Variants in OR13A1 observed in about 807,000 individuals in gnomAD.
OR13A1 encodes the protein olfactory receptor 13A1.
In OR13A1, 10 loss-of-function variants were observed where a neutral mutation model predicts 7.5. That is an observed-to-expected ratio of 1.34 (90% CI 0.83 to 2.27). OR13A1 has a LOEUF of 2.27. Ranked by LOEUF, OR13A1 falls within the 30% of genes most tolerant of loss-of-function variation. OR13A1 has a pLI of 0.00. For synonymous variants in OR13A1, 238 were observed against 177.9 expected, an observed-to-expected ratio of 1.34 and a Z score of -2.69; for missense variants, 509 against 419.1, an observed-to-expected ratio of 1.21 and a Z score of -1.87.
intron 3 of OR13A1, among the ~76,000 whole-genome samples, chr10:45,306,933 A>G (rs1838342670): frequency 6.6e-6 from 1 of 152,250 alleles, no homozygotes; most frequent in Non-Finnish European, 1.5e-5. Flanking sequence ...GTGGATCTGA[A>G]GAAATAACTG....
rs1838508381 is a variant in OR13A1, at chr10:45,315,595, C to G, written c.-296G>C. 2 of 151,964 alleles carry G rather than the reference C, an allele frequency of 1.3e-5. No individual in the cohort carries two copies. The highest frequency in any genetic ancestry group is 4.8e-5 in the African/African-American group (2 of 41,342). The allele number at this position is 151,964 out of a possible 1,614,324, so 9.4% of individuals were successfully genotyped here. ...ACAAGTATACTCTGTCTCTTCGCTT[C>G]TATTCAATATAGTATTTGAATTTCC... is the stretch of plus-strand genomic sequence containing the variant. On this transcript the variant is annotated 5_prime_UTR_variant, in exon 1 of 4. Coordinates refer to ENST00000553795, the MANE Select transcript of OR13A1 (RefSeq NM_001004297.3).
At position 45,302,681 on chromosome 10, in the gene OR13A1, C is replaced by T. The variant is rs1343407947; in HGVS notation, c.*755G>A. ...AATAGCATGGAGCACAAGCACAAGA[C>T]CTGTCTTTATTAGACACAGAGGATT... On this transcript the variant is annotated 3_prime_UTR_variant, in exon 4 of 4. Coordinates refer to ENST00000553795, the MANE Select transcript of OR13A1 (RefSeq NM_001004297.3). The T allele has an allele frequency of 6.6e-6, 1 of 152,164 alleles. No homozygotes were observed. The highest frequency in any genetic ancestry group is 2.4e-5 in the African/African-American group (1 of 41,454). 9.4% of individuals were successfully genotyped at this position (152,164 alleles called of 1,614,324 possible). A position where few individuals can be genotyped will look rare whatever the true frequency, so the allele number is the denominator to read the frequency against.
chr10:45,313,608 G>A lies in OR13A1; in HGVS notation c.-225+1916C>T, dbSNP rs74832527. On this transcript the variant is annotated intron_variant, in intron 1 of 3. Coordinates refer to ENST00000553795, the MANE Select transcript of OR13A1 (RefSeq NM_001004297.3). ...CCATGCAAATGGTAAATAAAAGCAA[G>A]CAGAAGTGACTATACTACTATCCAA... Among the ~76,000 whole-genome samples the A allele has an allele frequency of 1.5e-3, 223 of 151,852 alleles. 5 individuals are homozygous for A. The East Asian group carries it at 0.04, about 27-fold the overall frequency.
At position 45,307,518 on chromosome 10, in the gene OR13A1, C is replaced by T. The variant is rs923721880; in HGVS notation, c.-105G>A. ...AAGAATCGGGGCTCCAATCCTCTTT[C>T]CATGAGAATGACCACAAGATTTCTT... On this transcript the variant is annotated 5_prime_UTR_variant, in exon 3 of 4. Transcript: ENST00000553795. The T allele has an allele frequency of 2.6e-5, 4 of 152,188 alleles. No individual in the cohort carries two copies. The highest frequency in any genetic ancestry group is 5.9e-5 in the Non-Finnish European group (4 of 68,034). The allele number at this position is 152,188 out of a possible 1,614,324, so 9.4% of individuals were successfully genotyped here.
chr10:45,314,704 T>C (rs1588947006), intron 1 of OR13A1, among the ~76,000 whole-genome samples: 1 of 151,886 alleles, frequency 6.6e-6, no homozygotes, highest in Non-Finnish European at 1.5e-5. Context: ...ATTCAACTAA[T>C]AAATCAGAAA....
At position 45,305,717 on chromosome 10, in the gene OR13A1, G is replaced by C. The variant is rs575182606; in HGVS notation, c.-12-1283C>G. 5.3e-5 allele frequency among the ~76,000 whole-genome samples: 8 copies of C among 152,304 alleles called. No homozygotes were observed. The South Asian group carries it at 1.7e-3, about 32-fold the overall frequency. ...TGGCTGATGCACCAAGCCATTCCAGGATTTCTTGGTTTTGTTCTTCCCACT... is the reference window on the plus strand; with the variant it reads ...TGGCTGATGCACCAAGCCATTCCAGCATTTCTTGGTTTTGTTCTTCCCACT... On this transcript the variant is annotated intron_variant, in intron 3 of 3. Coordinates refer to ENST00000553795, the MANE Select transcript of OR13A1 (RefSeq NM_001004297.3).
Position 45,303,392 on chromosome 10 carries a change from C to T in OR13A1, c.*44G>A. On this transcript the variant is annotated 3_prime_UTR_variant, in exon 4 of 4. Transcript: ENST00000553795. ...CCAGAAACTTGCTCATCAGACTCCA[C>T]TAAAACTGCAGTCTCCAAGGACAAA... The T allele has an allele frequency of 6.5e-7, 1 of 1,538,054 alleles. No individual in the cohort carries two copies. Among genetic ancestry groups the T allele is most frequent in the Non-Finnish European group, 8.8e-7 (1 of 1,142,398 alleles).
At chr10:45,314,069 G>A (rs988996965) in intron 1 of OR13A1, among the ~76,000 whole-genome samples, 1 of 152,034 alleles carries the variant, frequency 6.6e-6, no homozygotes, top group Admixed American at 6.6e-5. Flanking sequence ...CTATTTTGAT[G>A]AAAATGACAT....
chr10:45,310,632 G>GAA (rs11390013), intron 1 of OR13A1, among the ~76,000 whole-genome samples: 51 of 151,948 alleles, frequency 3.4e-4, no homozygotes, highest in African/African-American at 9.7e-4. Flanking sequence ...TGGATTTTTG[G>GAA]AAAAAAACTA....
Position 45,303,857 on chromosome 10 carries a change from G to C in OR13A1, c.566C>G (p.Pro189Arg). The change falls in exon 4 of 4, where the codon CCC becomes CGC. Residue 189 changes from proline to arginine, a missense_variant. Physicochemically the swap from Pro to Arg is moderately radical, Grantham distance 103 (BLOSUM62 -2). Coordinates refer to ENST00000553795, the MANE Select transcript of OR13A1 (RefSeq NM_001004297.3). ...GCAGAAGAAATGGATAATGACATTG[G>C]GGCCACAGAAATCCAAGCGCAGCAT... is the stretch of plus-strand genomic sequence containing the variant. The part of the protein sequence containing the change: ...GLMLRLDFCG[P>R]NVIIHFFCEV... 6.2e-7 allele frequency: 1 copy of C among 1,612,770 alleles called. No individual in the cohort carries two copies. Among genetic ancestry groups the C allele is most frequent in the Non-Finnish European group, 8.5e-7 (1 of 1,180,034 alleles).
In OR13A1 at chr10:45,303,519, T is replaced by C; in HGVS notation, c.904A>G (p.Thr302Ala). ...AGLLYTVLSP[T>A]LNPLIYTLRN... is the part of the protein sequence containing the mutation. ...AAAGTATAGATGAGGGGGTTGAGGG[T>C]AGGACTCAGCACAGTGTACAGCAGG... is the stretch of plus-strand genomic sequence containing the variant. The change falls in exon 4 of 4, where the codon ACC (threonine) becomes GCC (alanine). Residue 302 changes from threonine to alanine, a missense_variant. Transcript: ENST00000553795. 1.2e-6 allele frequency: 2 copies of C among 1,614,056 alleles called. No individual in the cohort carries two copies. Among genetic ancestry groups the C allele is most frequent in the Non-Finnish European group, 1.7e-6 (2 of 1,180,008 alleles).
At chr10:45,304,985 C>A (rs897665246) in intron 3 of OR13A1, among the ~76,000 whole-genome samples, 1 of 152,134 alleles carries the variant, frequency 6.6e-6, no homozygotes, top group African/African-American at 2.4e-5. Context: ...GAGAATGACA[C>A]TTTGGGAGGC....
intron 1 of OR13A1, 64 bp downstream of exon 1, chr10:45,315,460 A>C (rs568548894): frequency 8.5e-5 from 13 of 152,308 alleles, no homozygotes; most frequent in Admixed American, 3.9e-4. Flanking sequence ...CACTCAGCAA[A>C]CTAGGAATAG....
intron 1 of OR13A1, among the ~76,000 whole-genome samples, chr10:45,312,046 T>C (rs147915218): frequency 1.3e-3 from 191 of 152,088 alleles, no homozygotes; most frequent in African/African-American, 4.3e-3. Context: ...GGGAAAAGTA[T>C]AATAAACCTG....
intron 1 of OR13A1, among the ~76,000 whole-genome samples, chr10:45,310,854 A>G (rs962979038): frequency 2.6e-5 from 4 of 152,222 alleles, no homozygotes; most frequent in African/African-American, 9.6e-5. Flanking sequence ...AAGTTAAAAG[A>G]GAAAATCAAG....
Position 45,304,298 on chromosome 10 carries a change from C to T in OR13A1, c.125G>A (p.Arg42Gln). 3 of 1,614,130 alleles carry T rather than the reference C, an allele frequency of 1.9e-6. No individual in the cohort carries two copies. Among genetic ancestry groups the T allele is most frequent in the Admixed American group, 1.7e-5 (1 of 60,020 alleles). ...GAGGAAACAGCTGAATAAGAACACC[C>T]GGTATTCTGGGTGCTCCGAAAAGCC... is the stretch of plus-strand genomic sequence containing the variant. ...LQGFSEHPEY[R>Q]VFLFSCFLFL... The change falls in exon 4 of 4, where the codon CGG becomes CAG. Residue 42 changes from arginine (R) to glutamine (Q), a missense_variant. Coordinates refer to ENST00000553795, the MANE Select transcript of OR13A1 (RefSeq NM_001004297.3).
At chr10:45,305,713 C>G (rs1051890610) in intron 3 of OR13A1, among the ~76,000 whole-genome samples, 3 of 152,216 alleles carry the variant, frequency 2.0e-5, no homozygotes, top group Non-Finnish European at 4.4e-5. Context: ...CCAAGCCATT[C>G]CAGGATTTCT....
At chr10:45,311,206 T>C (rs1838438638) in intron 1 of OR13A1, among the ~76,000 whole-genome samples, 1 of 152,252 alleles carries the variant, frequency 6.6e-6, no homozygotes, top group Non-Finnish European at 1.5e-5. Flanking sequence ...TAGTTATTTC[T>C]ATCACCCAGC....
chr10:45,310,552 C>G (rs757647848), intron 1 of OR13A1, among the ~76,000 whole-genome samples: 2 of 152,154 alleles, frequency 1.3e-5, no homozygotes, highest in Non-Finnish European at 2.9e-5. Flanking sequence ...TACATTGCTT[C>G]ACCTAGCTGC....
Sources: allele counts gnomAD v4.1 joint callset (sites outside exome capture counted in the v4.1 genomes callset), GRCh38; gene constraint gnomAD v4.1.1; transcripts MANE v1.5; gene names NCBI Gene and HGNC (gene_info 2026-07-23, HGNC 2026-07-21).